KDM5B: variants seen among roughly 807,000 people sequenced by gnomAD.
KDM5B encodes the protein lysine-specific demethylase 5B.
A neutral mutation model predicts 193.4 loss-of-function variants in KDM5B; 144 were observed. The ratio of observed to expected loss-of-function variants is 0.74; its 90% CI spans 0.65 to 0.86. The LOEUF is 0.86. Among genes scored for constraint, KDM5B ranks in the 40% least tolerant of loss-of-function variants. The probability of loss-of-function intolerance (pLI) is 0.00; values close to 1 mark genes in which losing one functional copy is unlikely to be tolerated. For missense variants in KDM5B, 1,833 were observed against 1,886.9 expected, an observed-to-expected ratio of 0.97 and a Z score of 0.53; for synonymous variants, 668 against 682.6, an observed-to-expected ratio of 0.98 and a Z score of 0.33.
At chr1:202,774,541 T>A (rs762894777) in intron 3 of KDM5B, 72 bp downstream of exon 3, 37 of 1,460,748 alleles carry the variant, frequency 2.5e-5, no homozygotes, top group Non-Finnish European at 3.4e-5. Flanking sequence ...AGTTCCTTTT[T>A]AAGGCAAAGA....
chr1:202,754,027 T>C (rs773549964), intron 11 of KDM5B, among the ~76,000 whole-genome samples: 10 of 152,194 alleles, frequency 6.6e-5, no homozygotes, highest in Non-Finnish European at 1.3e-4. Context: ...GTTATCACAG[T>C]TTCCTAAAGC....
intron 1 of KDM5B, among the ~76,000 whole-genome samples, chr1:202,804,808 G>A (rs1440658535): frequency 1.3e-5 from 2 of 149,942 alleles, no homozygotes; most frequent in African/African-American, 2.5e-5. Flanking sequence ...TCGGGAGGCA[G>A]AGGTTGTGAT....
rs766249832 is a variant in KDM5B, at chr1:202,736,313, G to T, written c.3164C>A (p.Ser1055Tyr). The T allele has an allele frequency of 1.2e-6, 2 of 1,612,862 alleles. No individual in the cohort carries two copies. The highest frequency in any genetic ancestry group is 1.1e-5 in the South Asian group (1 of 90,966). The change falls in exon 21 of 27, where the codon TCT becomes TAT. Residue 1055 changes from serine to tyrosine, a missense_variant. Physicochemically the swap from Ser to Tyr is moderately radical, Grantham distance 144. Transcript: ENST00000367265. ...RGRSIPVHLN[S>Y]LPRLETLVAE... ...TACTAGGGTTTCCAGTCTTGGCAAA[G>T]AATTCAGATGTACGGGGATAGATCG...
rs754178126 is a variant in KDM5B at position 202,733,422 on chromosome 1, T to C, written c.3888A>G (p.Gly1296=). The change falls in exon 23 of 27, where the codon GGA becomes GGG. Residue 1296 remains glycine (G), a synonymous_variant. Transcript: ENST00000367265. ...TCACCTTGTTTGTGTCTGACACCTG[T>C]CCTGCTGAGGCTTGCCATCTGCTAT... is the stretch of plus-strand genomic sequence containing the variant. ...LLYSRWQASA[G]QVSDTNKVSQ... 2 of 1,612,826 alleles carry C rather than the reference T, an allele frequency of 1.2e-6. No homozygotes were observed. The highest frequency in any genetic ancestry group is 3.3e-5 in the Admixed American group (2 of 59,974).
At chr1:202,747,831 T>A (rs1383456656) in intron 14 of KDM5B, among the ~76,000 whole-genome samples, 1 of 152,068 alleles carries the variant, frequency 6.6e-6, no homozygotes, top group Non-Finnish European at 1.5e-5. Context: ...TATTAAGATA[T>A]CAATTCTCCC....
intron 1 of KDM5B, among the ~76,000 whole-genome samples, chr1:202,793,890 T>A (rs564265180): frequency 6.6e-6 from 1 of 152,234 alleles, no homozygotes; most frequent in East Asian, 1.9e-4. Context: ...AGTGGGCTGC[T>A]ACCAAGCACA....
intron 1 of KDM5B, among the ~76,000 whole-genome samples, chr1:202,783,744 G>A (rs1364493912): frequency 6.6e-6 from 1 of 152,082 alleles, no homozygotes; most frequent in Non-Finnish European, 1.5e-5. Context: ...AGCCAGGCGT[G>A]GTGGCGGGCG....
chr1:202,756,465 T>C lies in KDM5B; in HGVS notation c.1249A>G (p.Ile417Val), dbSNP rs772975500. 46 of 1,611,608 alleles carry C rather than the reference T, an allele frequency of 2.9e-5. No individual in the cohort carries two copies. The South Asian group carries it at 4.0e-4, about 14-fold the overall frequency. Reference protein sequence around the residue: ...EKEFWRLVSTIEEDVTVEYGA... With the variant: ...EKEFWRLVSTVEEDVTVEYGA... ...TATTCCACTGTGACATCCTCCTCAATAGTGCTTACTAGTCTCCAAAATTCT... is the reference window on the plus strand; with the variant it reads ...TATTCCACTGTGACATCCTCCTCAACAGTGCTTACTAGTCTCCAAAATTCT... The change falls in exon 10 of 27, where the codon ATT (isoleucine) becomes GTT (valine). Residue 417 changes from isoleucine (I) to valine (V), a missense_variant. Around this residue, in one of 3 missense-constraint regions of KDM5B, gnomAD observed 99 missense variants for 162.4 expected, o/e 0.61. Transcript: ENST00000367265.
At chr1:202,755,237 A>ATAC in intron 11 of KDM5B, 34 bp downstream of exon 11, 1 of 1,568,732 alleles carries the variant, frequency 6.4e-7, no homozygotes, top group African/African-American at 1.4e-5. Flanking sequence ...TCCAGCATGC[A>ATAC]TACTACTCAT....
intron 20 of KDM5B, 149 bp downstream of exon 20, chr1:202,740,525 G>A (rs1197260246): frequency 1.0e-5 from 5 of 484,988 alleles, no homozygotes; most frequent in African/African-American, 2.0e-5. Context: ...TTCCCAGTAG[G>A]GGCGGCTGGG....
intron 1 of KDM5B, 83 bp downstream of exon 1, chr1:202,808,019 C>T (rs1658379185): frequency 2.2e-6 from 3 of 1,379,752 alleles, no homozygotes; most frequent in South Asian, 3.0e-5. Context: ...CCCCGCCCCC[C>T]GCGCCTCGGG....
intron 2 of KDM5B, among the ~76,000 whole-genome samples, chr1:202,775,692 C>T (rs537721093): frequency 6.7e-6 from 1 of 149,654 alleles, no homozygotes; most frequent in Non-Finnish European, 1.5e-5. Flanking sequence ...CCCATCTCTA[C>T]TAAAAATACA....
chr1:202,766,254 C>T (rs12026595), intron 5 of KDM5B: 9,586 of 229,068 alleles, frequency 0.042, 485 homozygotes, highest in East Asian at 0.23. Flanking sequence ...GCCTGTAATC[C>T]CAGCACTTTG....
chr1:202,763,467 T>C (rs1408387233), intron 6 of KDM5B, among the ~76,000 whole-genome samples: 1 of 152,260 alleles, frequency 6.6e-6, no homozygotes, highest in African/African-American at 2.4e-5. Flanking sequence ...TGTATCTCTA[T>C]TACTTTCCTG....
At chr1:202,771,388 C>T (rs1481094850) in intron 4 of KDM5B, among the ~76,000 whole-genome samples, 1 of 133,278 alleles carries the variant, frequency 7.5e-6, no homozygotes. Context: ...CCTGCCACCA[C>T]ATCCAGCTAA....
intron 1 of KDM5B, among the ~76,000 whole-genome samples, chr1:202,781,243 T>A (rs1397342215): frequency 6.6e-6 from 1 of 152,198 alleles, no homozygotes; most frequent in Non-Finnish European, 1.5e-5. Flanking sequence ...AAGTTTACAG[T>A]GAGCTATGAT....
intron 13 of KDM5B, among the ~76,000 whole-genome samples, chr1:202,750,336 T>C (rs1253439955): frequency 6.6e-6 from 1 of 152,174 alleles, no homozygotes; most frequent in Non-Finnish European, 1.5e-5. Flanking sequence ...TGGAGTGCAA[T>C]GGCGTGATCT....
intron 13 of KDM5B, among the ~76,000 whole-genome samples, chr1:202,749,669 TA>T (rs78201474): frequency 2.7e-3 from 395 of 144,902 alleles, no homozygotes; most frequent in Non-Finnish European, 2.4e-3. Context: ...AAAAAGTGGT[TA>T]AAAAAAAAAA....
intron 4 of KDM5B, among the ~76,000 whole-genome samples, chr1:202,768,127 G>GC (rs1656551951): frequency 6.6e-6 from 1 of 152,148 alleles, no homozygotes; most frequent in Admixed American, 6.5e-5. Flanking sequence ...TCAACGGGTA[G>GC]CCCACAGCAA....
Sources: allele counts gnomAD v4.1 joint callset (sites outside exome capture counted in the v4.1 genomes callset), GRCh38; gene constraint gnomAD v4.1.1; regional missense constraint gnomAD v4.1.1; transcripts MANE v1.5; gene names NCBI Gene and HGNC (gene_info 2026-07-23, HGNC 2026-07-21).